ABCB9: variants seen among roughly 807,000 people sequenced by gnomAD.
ABCB9 encodes ATP binding cassette subfamily B member 9, also known as ABC-type oligopeptide transporter ABCB9.
In ABCB9, 36 loss-of-function variants were observed where a neutral mutation model predicts 62.0. The observed-to-expected ratio is 0.58, with a 90% CI of 0.45 to 0.77. The LOEUF (loss-of-function observed/expected upper bound fraction) is 0.77. Among genes scored for constraint, ABCB9 ranks in the 30% least tolerant of loss-of-function variants. ABCB9 has a pLI of 0.00. For synonymous variants in ABCB9, 435 were observed against 461.4 expected, an observed-to-expected ratio of 0.94 and a Z score of 0.73; for missense variants, 943 against 1,054.7, an observed-to-expected ratio of 0.89 and a Z score of 1.47.
intron 1 of ABCB9, among the ~76,000 whole-genome samples, chr12:122,961,845 G>A (rs2036922490): frequency 6.6e-6 from 1 of 152,192 alleles, no homozygotes; most frequent in Non-Finnish European, 1.5e-5. Flanking sequence ...TCAGTTCTGG[G>A]CAGAGTGCCT....
chr12:122,939,663 CTGAGA>C (rs2135799773), intron 9 of ABCB9: 1 of 154,528 alleles, frequency 6.5e-6, no homozygotes, highest in East Asian at 1.9e-4. Context: ...TCCTGAGGAG[CTGAGA>C]TTACAGGCAT....
chr12:122,932,223 G>A lies in ABCB9; in HGVS notation c.2009C>T (p.Thr670Ile). The A allele has an allele frequency of 1.9e-6, 3 of 1,552,704 alleles. No homozygotes were observed. The highest frequency in any genetic ancestry group is 2.6e-6 in the Non-Finnish European group (3 of 1,147,862). ...NPPVLILDEA[T>I]SALDAESEYL... ...CTCGCTCTCGGCATCCAAAGCGCTG[G>A]TGGCTTCATCCAGGATGAGGACTGG... Residue 670 changes from threonine to isoleucine, a missense_variant, in exon 11 of 12, where the codon ACC (threonine) becomes ATC (isoleucine). Transcript: ENST00000280560. The surrounding 1 kb of genome is among the most constrained non-coding windows in gnomAD (Gnocchi z 4.7).
chr12:122,961,024 A>ACT (rs1467814746), intron 1 of ABCB9, among the ~76,000 whole-genome samples: 1 of 151,798 alleles, frequency 6.6e-6, no homozygotes, highest in Non-Finnish European at 1.5e-5. Context: ...TGATCATGCC[A>ACT]CTACACTCCA....
intron 11 of ABCB9, among the ~76,000 whole-genome samples, chr12:122,922,013 T>C (rs940019729): frequency 6.6e-6 from 1 of 151,982 alleles, no homozygotes; most frequent in Non-Finnish European, 1.5e-5. Context: ...TAGAGGCGGC[T>C]AGGGAGGGAG....
rs1593979483 is a variant in ABCB9, at chr12:122,932,274, A to G, written c.1958T>C (p.Met653Thr). ...GGGGTTCCGCACCAGAGCCCGGGCC[A>G]TGGCCACCCGCTGCTTCTGGCCACC... ...LSGGQKQRVA[M>T]ARALVRNPPV... is the part of the protein sequence containing the mutation. The change falls in exon 11 of 12, where the codon ATG becomes ACG. Residue 653 changes from methionine to threonine, a missense_variant. Coordinates refer to ENST00000280560, the MANE Select transcript of ABCB9 (RefSeq NM_019625.4). The surrounding 1 kb of genome is among the most constrained non-coding windows in gnomAD (Gnocchi z 4.7). The G allele has an allele frequency of 1.3e-6, 2 of 1,551,444 alleles. No individual in the cohort carries two copies. The highest frequency in any genetic ancestry group is 1.4e-5 in the African/African-American group (1 of 73,160).
downstream of ABCB9, chr12:122,924,883 C>A: frequency 1.4e-6 from 2 of 1,459,576 alleles, no homozygotes; most frequent in South Asian, 2.4e-5. Flanking sequence ...CTTTAAAAGT[C>A]ATAACTCTCC....
chr12:122,960,140 G>C lies in ABCB9; in HGVS notation c.96C>G (p.Arg32=), dbSNP rs761175901. ...AGTGGCGGATGTCCTCCAGGAGGCT[G>C]CGGTCCAGGTGGCTGAAGACATAGA... ...TAIYVFSHLD[R]SLLEDIRHFN... The change falls in exon 2 of 12, where the codon CGC becomes CGG. Residue 32 remains arginine (R), a synonymous_variant. Transcript: ENST00000280560. The C allele has an allele frequency of 1.9e-6, 3 of 1,613,754 alleles. No homozygotes were observed. The East Asian group carries it at 6.7e-5, about 36-fold the overall frequency.
chr12:122,923,688 T>C (rs903788234), intron 11 of ABCB9, among the ~76,000 whole-genome samples: 15 of 152,176 alleles, frequency 9.9e-5, no homozygotes, highest in African/African-American at 3.6e-4. Context: ...AATTGTAAAA[T>C]ACCACACGTT....
intron 7 of ABCB9, among the ~76,000 whole-genome samples, chr12:122,943,648 A>G (rs1025783154): frequency 2.0e-5 from 3 of 150,168 alleles, no homozygotes; most frequent in African/African-American, 7.4e-5. Flanking sequence ...TTTTTTTTTG[A>G]GATGGAGTTT....
At chr12:122,969,984 A>C (rs2037252333), upstream of ABCB9, among the ~76,000 whole-genome samples, 1 of 152,196 alleles carries the variant, frequency 6.6e-6, no homozygotes, top group African/African-American at 2.4e-5. Context: ...CTATGCTCTT[A>C]CTACATGATC....
At chr12:122,974,603 T>G (rs2037350890) in intron 1 of ABCB9, 1 of 152,302 alleles carries the variant, frequency 6.6e-6, no homozygotes, top group African/African-American at 2.4e-5. Flanking sequence ...ATTTGTTGGC[T>G]GCGGTGAGAC....
chr12:122,964,574 C>T lies in ABCB9; in HGVS notation c.-88+1713G>A, dbSNP rs531102053. ...CAGTCCTCGGTGGGGACAGTTACTC[C>T]GTTATTTTTAAAGCTACTGGGCAGA... On this transcript the variant is annotated intron_variant, in intron 1 of 11. Coordinates refer to ENST00000280560, the MANE Select transcript of ABCB9 (RefSeq NM_019625.4). The surrounding 1 kb of genome is among the most constrained non-coding windows in gnomAD (Gnocchi z 4.7). Among the ~76,000 whole-genome samples the T allele has an allele frequency of 3.5e-4, 54 of 152,284 alleles. No individual in the cohort carries two copies. The highest frequency in any genetic ancestry group is 1.3e-3 in the African/African-American group (52 of 41,548).
At position 122,959,355 on chromosome 12, in the gene ABCB9, AAAAT is replaced by A. The variant is rs1421076766; in HGVS notation, c.601+276_601+279del. Among the ~76,000 whole-genome samples, 1 of 151,866 alleles carries A rather than the reference AAAAT, an allele frequency of 6.6e-6. No individual in the cohort carries two copies. Among genetic ancestry groups the A allele is most frequent in the Non-Finnish European group, 1.5e-5 (1 of 68,000 alleles). ...TGACAGAGCAATACTATGTTTCGAA[AAAAT>A]AAATAAATACAATAAATAAATAAAT... is the stretch of plus-strand genomic sequence containing the variant. On this transcript the variant is annotated intron_variant, in intron 2 of 11. Coordinates refer to ENST00000280560, the MANE Select transcript of ABCB9 (RefSeq NM_019625.4). This position sits in a 1 kb window ranked among gnomAD's most constrained non-coding sequence, Gnocchi z 5.4.
At chr12:122,956,534 T>G (rs2036616309) in intron 2 of ABCB9, among the ~76,000 whole-genome samples, 1 of 152,236 alleles carries the variant, frequency 6.6e-6, no homozygotes, top group South Asian at 2.1e-4. Context: ...TTATTTATGT[T>G]TTTTGAGATG....
At chr12:122,969,304 A>G (rs183298757), upstream of ABCB9, among the ~76,000 whole-genome samples, 7 of 152,312 alleles carry the variant, frequency 4.6e-5, no homozygotes, top group African/African-American at 1.4e-4. Context: ...GTGACTGCTA[A>G]TGGATACGGT....
rs1213221335 is a variant in ABCB9 at position 122,960,020 on chromosome 12, A to G, written c.216T>C (p.Ser72=). The G allele has an allele frequency of 2.4e-5, 38 of 1,613,262 alleles. No homozygotes were observed. The highest frequency in any genetic ancestry group is 3.3e-5 in the South Asian group (3 of 91,090). Reference sequence around the variant, plus strand: ...CCCGCAGCCGCCGGGGCCCCAGCGCACTGTTCTTGGCCACACCAATGGTGG... The same window carrying G: ...CCCGCAGCCGCCGGGGCCCCAGCGCGCTGTTCTTGGCCACACCAATGGTGG... ...LGATIGVAKN[S]ALGPRRLRAS... Residue 72 remains serine, a synonymous_variant, in exon 2 of 12, where the codon AGT becomes AGC. Transcript: ENST00000280560.
Position 122,959,103 on chromosome 12 carries a change from G to T in ABCB9, c.601+532C>A, listed in dbSNP as rs996793560. Among the ~76,000 whole-genome samples the T allele has an allele frequency of 2.0e-5, 3 of 149,904 alleles. No individual in the cohort carries two copies. Among genetic ancestry groups the T allele is most frequent in the African/African-American group, 7.3e-5 (3 of 41,138 alleles). On this transcript the variant is annotated intron_variant, in intron 2 of 11. Transcript: ENST00000280560. This position sits in a 1 kb window ranked among gnomAD's most constrained non-coding sequence, Gnocchi z 5.4. ...ACCGTGGCTCACGCCTGTAATCCCA[G>T]CACTTTGGGAGGCCGAGGCCAGTGG... is the stretch of plus-strand genomic sequence containing the variant.
rs750184521 is a variant in ABCB9, at chr12:122,959,987, C to G, written c.249G>C (p.Trp83Cys). ...AGAGGCACACGAGGGTGATGACCAG[C>G]CACGAGGCCCGCAGCCGCCGGGGCC... ...ALGPRRLRAS[W>C]LVITLVCLFV... Residue 83 changes from tryptophan (W) to cysteine (C), a missense_variant, in exon 2 of 12, where the codon TGG becomes TGC. Physicochemically the swap from Trp to Cys is radical, Grantham distance 215. Transcript: ENST00000280560. The surrounding 1 kb of genome is among the most constrained non-coding windows in gnomAD (Gnocchi z 5.4). 1 of 1,613,272 alleles carries G rather than the reference C, an allele frequency of 6.2e-7. No individual in the cohort carries two copies. The highest frequency in any genetic ancestry group is 8.5e-7 in the Non-Finnish European group (1 of 1,180,008).
intron 1 of ABCB9, among the ~76,000 whole-genome samples, chr12:122,960,593 A>C (rs1048940974): frequency 9.2e-5 from 14 of 151,890 alleles, no homozygotes; most frequent in Non-Finnish European, 1.5e-5. Flanking sequence ...TGCAGGAGAC[A>C]GATAATAAGG....
Sources: allele counts gnomAD v4.1 joint callset (sites outside exome capture counted in the v4.1 genomes callset), GRCh38; gene constraint gnomAD v4.1.1; non-coding constraint Gnocchi (gnomAD v3.1); transcripts MANE v1.5; gene names NCBI Gene and HGNC (gene_info 2026-07-23, HGNC 2026-07-21).